Variants in CCDC141 observed in about 807,000 individuals in gnomAD.
The protein encoded by CCDC141 is coiled-coil domain-containing protein 141.
Under a neutral mutation model 181.0 loss-of-function variants are expected in CCDC141, and 168 were observed. The observed-to-expected ratio is 0.93, with a 90% CI of 0.82 to 1.05. The LOEUF (loss-of-function observed/expected upper bound fraction) is 1.05. CCDC141 is among the 50% of genes least tolerant of loss of function. CCDC141 has a pLI of 0.00. For synonymous variants in CCDC141, 666 were observed against 642.3 expected, an observed-to-expected ratio of 1.04 and a Z score of -0.56; for missense variants, 1,902 against 1,788.5, an observed-to-expected ratio of 1.06 and a Z score of -1.14.
chr2:179,020,194 T>C (rs1248481842), intron 2 of CCDC141, among the ~76,000 whole-genome samples: 3 of 152,152 alleles, frequency 2.0e-5, no homozygotes, highest in African/African-American at 7.2e-5. Flanking sequence ...GTGTGGTTTT[T>C]TTTCTCTCAC....
chr2:178,994,687 C>A (rs1200066500), intron 2 of CCDC141, among the ~76,000 whole-genome samples: 1 of 152,164 alleles, frequency 6.6e-6, no homozygotes, highest in Non-Finnish European at 1.5e-5. Flanking sequence ...GCATTGTCAA[C>A]CTGCAAATTT....
At chr2:179,034,269 C>G (rs1022080740) in intron 2 of CCDC141, among the ~76,000 whole-genome samples, 6 of 152,124 alleles carry the variant, frequency 3.9e-5, no homozygotes, top group Non-Finnish European at 5.9e-5. Flanking sequence ...TGCGTGTTCT[C>G]ACTTGTAAGT....
At chr2:178,878,345 C>A (rs1575160926) in intron 11 of CCDC141, among the ~76,000 whole-genome samples, 1 of 151,294 alleles carries the variant, frequency 6.6e-6, no homozygotes, top group African/African-American at 2.4e-5. Context: ...GTCACACAGG[C>A]TGGAGTGCAG....
chr2:178,828,172 C>T (rs1684152751), downstream of CCDC141, among the ~76,000 whole-genome samples: 2 of 152,084 alleles, frequency 1.3e-5, no homozygotes, highest in South Asian at 4.2e-4. Flanking sequence ...CAAAAATTGT[C>T]ATGTAGAAAC....
intron 11 of CCDC141, among the ~76,000 whole-genome samples, chr2:178,879,297 A>C (rs1255011550): frequency 6.6e-6 from 1 of 152,230 alleles, no homozygotes; most frequent in Non-Finnish European, 1.5e-5. Context: ...TCCCAAGAGC[A>C]ATCTAAACAG....
At chr2:179,037,884 A>C (rs544689871) in intron 2 of CCDC141, among the ~76,000 whole-genome samples, 1 of 152,356 alleles carries the variant, frequency 6.6e-6, no homozygotes, top group East Asian at 1.9e-4. Flanking sequence ...ACGTGGACCA[A>C]TCGGAACACA....
chr2:178,830,133 T>A lies in CCDC141; in HGVS notation c.*4040A>T, dbSNP rs926448182. 6.6e-6 allele frequency: 1 copy of A among 152,128 alleles called. No homozygotes were observed. The allele number at this position is 152,128 out of a possible 1,614,324, so 9.4% of individuals were successfully genotyped here. On this transcript the variant is annotated 3_prime_UTR_variant, in exon 24 of 24. Transcript: ENST00000443758. ...ACAGTTTGGATTTAGTCATAGAGAGTGGAGGCATCCAGTTCCTCATACCGG... is the reference window on the plus strand; with the variant it reads ...ACAGTTTGGATTTAGTCATAGAGAGAGGAGGCATCCAGTTCCTCATACCGG...
At chr2:178,960,421 A>G (rs1690345142) in intron 5 of CCDC141, among the ~76,000 whole-genome samples, 1 of 152,166 alleles carries the variant, frequency 6.6e-6, no homozygotes, top group Admixed American at 6.6e-5. Context: ...ATAATATTAA[A>G]CATATGAAAA....
chr2:178,966,122 G>A (rs1217907583), intron 4 of CCDC141, among the ~76,000 whole-genome samples: 1 of 152,206 alleles, frequency 6.6e-6, no homozygotes, highest in South Asian at 2.1e-4. Flanking sequence ...CCCAGTCAGG[G>A]ACTTAGAAAT....
At chr2:178,948,203 A>AT (rs994035158) in intron 5 of CCDC141, among the ~76,000 whole-genome samples, 38 of 144,978 alleles carry the variant, frequency 2.6e-4, no homozygotes, top group African/African-American at 9.4e-4. Flanking sequence ...CCCTATCTCA[A>AT]TAAAAAAAAA....
intron 2 of CCDC141, among the ~76,000 whole-genome samples, chr2:179,010,429 T>A (rs1042250511): frequency 7.9e-5 from 12 of 152,214 alleles, no homozygotes; most frequent in African/African-American, 2.9e-4. Flanking sequence ...AAAGGAAAAC[T>A]TACCAGATTA....
At chr2:179,017,256 T>C (rs920979131) in intron 2 of CCDC141, among the ~76,000 whole-genome samples, 2 of 152,180 alleles carry the variant, frequency 1.3e-5, no homozygotes, top group Non-Finnish European at 2.9e-5. Context: ...ATACTTATAG[T>C]TCTATCTTTT....
chr2:179,016,351 T>A (rs1575351655), intron 2 of CCDC141, among the ~76,000 whole-genome samples: 1 of 151,608 alleles, frequency 6.6e-6, no homozygotes, highest in South Asian at 2.1e-4. Context: ...GGGAAAAAAA[T>A]AAAAGTAAAT....
chr2:178,901,357 A>G (rs988077092), intron 8 of CCDC141, among the ~76,000 whole-genome samples: 22 of 152,242 alleles, frequency 1.4e-4, no homozygotes, highest in Non-Finnish European at 2.6e-4. Flanking sequence ...AAAATCCTCA[A>G]TAAAATACTG....
At chr2:178,978,376 C>T in intron 3 of CCDC141, 108 bp downstream of exon 3, 1 of 687,190 alleles carries the variant, frequency 1.5e-6, no homozygotes, top group Non-Finnish European at 2.1e-6. Flanking sequence ...GTTATTCTGC[C>T]ATTTTTTTAA....
intron 17 of CCDC141, among the ~76,000 whole-genome samples, chr2:178,864,407 T>C (rs1685755154): frequency 6.6e-6 from 1 of 152,160 alleles, no homozygotes; most frequent in South Asian, 2.1e-4. Context: ...AGCAGCAGCA[T>C]AGGAACCGGA....
rs372881694 is a variant in CCDC141 at position 179,015,507 on chromosome 2, C to G, written c.225+31777G>C. ...TATATCATATATGTGCCATATATATCATATATGTATCACATATATCTCATA... is the reference window on the plus strand; with the variant it reads ...TATATCATATATGTGCCATATATATGATATATGTATCACATATATCTCATA... On this transcript the variant is annotated intron_variant, in intron 2 of 23. Transcript: ENST00000443758. Among the ~76,000 whole-genome samples the G allele has an allele frequency of 2.4e-4, 28 of 117,206 alleles. 1 individual carries two copies. The highest frequency in any genetic ancestry group is 2.9e-4 in the African/African-American group (9 of 30,870). 76.9% of individuals were successfully genotyped at this position (117,206 alleles called of 152,430 possible). A position where few individuals can be genotyped will look rare whatever the true frequency, so the allele number is the denominator to read the frequency against.
intron 11 of CCDC141, among the ~76,000 whole-genome samples, chr2:178,881,246 C>T (rs1193798332): frequency 6.6e-6 from 1 of 152,138 alleles, no homozygotes; most frequent in Non-Finnish European, 1.5e-5. Context: ...CAGTACTTGC[C>T]TGAGGCTGGG....
chr2:179,019,416 G>A (rs1340220448), intron 2 of CCDC141, among the ~76,000 whole-genome samples: 1 of 151,832 alleles, frequency 6.6e-6, no homozygotes, highest in Non-Finnish European at 1.5e-5. Flanking sequence ...TCAACACCAG[G>A]GTCTCACTAT....
Sources: allele counts gnomAD v4.1 joint callset (sites outside exome capture counted in the v4.1 genomes callset), GRCh38; gene constraint gnomAD v4.1.1; transcripts MANE v1.5; gene names NCBI Gene and HGNC (gene_info 2026-07-23, HGNC 2026-07-21).